The following CLUAP1 variants were observed in gnomAD, a reference collection of about 807,000 sequenced individuals.
CLUAP1 encodes clusterin-associated protein 1.
Under a neutral mutation model 55.0 loss-of-function variants are expected in CLUAP1, and 50 were observed. That is an observed-to-expected ratio of 0.91 (90% CI 0.72 to 1.15). CLUAP1 has a LOEUF of 1.15. Ranked by LOEUF, CLUAP1 falls within the 50% of genes most tolerant of loss-of-function variation. The pLI is 0.00. For synonymous variants in CLUAP1, 195 were observed against 175.4 expected (o/e 1.11, Z -0.88); for missense variants, 530 against 507.6 (o/e 1.04, Z -0.42).
intron 9 of CLUAP1, among the ~76,000 whole-genome samples, chr16:3,529,557 ATT>A (rs2038031690): frequency 3.7e-5 from 2 of 53,912 alleles, no homozygotes; most frequent in African/African-American, 1.7e-4. Context: ...TATATTATAT[ATT>A]ATTATATATT....
upstream of CLUAP1, chr16:3,496,638 G>C: frequency 1.9e-6 from 1 of 533,150 alleles, no homozygotes; most frequent in Admixed American, 2.0e-5. Flanking sequence ...CTTCGCAAGG[G>C]CCGACAGGTG....
At chr16:3,500,366 A>ATT (rs35022426), upstream of CLUAP1, among the ~76,000 whole-genome samples, 54 of 115,536 alleles carry the variant, frequency 4.7e-4, no homozygotes, top group Non-Finnish European at 6.2e-4. Flanking sequence ...AGTATAGTGC[A>ATT]TTTTTTTTTT....
At chr16:3,515,377 T>C in intron 5 of CLUAP1, 131 bp from the exon 6 acceptor site, 1 of 626,044 alleles carries the variant, frequency 1.6e-6, no homozygotes, top group Non-Finnish European at 2.7e-6. Flanking sequence ...GGTGGCAGTG[T>C]TTTTGCATCA....
At chr16:3,508,493 T>C in intron 4 of CLUAP1, 25 bp downstream of exon 4, 4 of 1,525,694 alleles carry the variant, frequency 2.6e-6, no homozygotes, top group Non-Finnish European at 3.5e-6. Context: ...AGCCTTGTAG[T>C]GGGCGATGGA....
chr16:3,519,047 C>T (rs1289829286), intron 6 of CLUAP1, among the ~76,000 whole-genome samples: 2 of 152,242 alleles, frequency 1.3e-5, no homozygotes, highest in Non-Finnish European at 2.9e-5. Flanking sequence ...AGTCCAGATT[C>T]CTCATAAAGA....
chr16:3,497,211 T>G (rs1336839511), upstream of CLUAP1, among the ~76,000 whole-genome samples: 2 of 151,162 alleles, frequency 1.3e-5, no homozygotes, highest in African/African-American at 4.9e-5. Flanking sequence ...AATTCATACT[T>G]GAAAAAAAAA....
chr16:3,501,121 G>C, intron 1 of CLUAP1, 32 bp downstream of exon 1: 4 of 1,574,330 alleles, frequency 2.5e-6, no homozygotes, highest in African/African-American at 1.3e-5. Context: ...GTGACCTGCG[G>C]GTCTTCCAGA....
rs1178652680 is a variant in CLUAP1, at chr16:3,501,018, C to T, written c.-50C>T. 4 of 1,579,362 alleles carry T rather than the reference C, an allele frequency of 2.5e-6. No individual in the cohort carries two copies. Among genetic ancestry groups the T allele is most frequent in the Admixed American group, 3.5e-5 (2 of 57,402 alleles). On this transcript the variant is annotated 5_prime_UTR_variant, in exon 1 of 12. Transcript: ENST00000576634. ...GATCGTCGAGCGCTGGGCCTGTGATCGCTGAGGGGCGAGCAGTTGCGACCC... is the reference window on the plus strand; with the variant it reads ...GATCGTCGAGCGCTGGGCCTGTGATTGCTGAGGGGCGAGCAGTTGCGACCC...
chr16:3,507,762 C>T (rs896684986), intron 3 of CLUAP1, among the ~76,000 whole-genome samples: 1 of 150,450 alleles, frequency 6.6e-6, no homozygotes, highest in Admixed American at 6.7e-5. Flanking sequence ...ACAAATGGTA[C>T]TGTATTCTAC....
At position 3,508,441 on chromosome 16, in the gene CLUAP1, C is replaced by A. The variant is rs1318653651; in HGVS notation, c.372C>A (p.Asn124Lys). The A allele has an allele frequency of 1.3e-6, 2 of 1,579,242 alleles. No individual in the cohort carries two copies. Among genetic ancestry groups the A allele is most frequent in the Non-Finnish European group, 1.7e-6 (2 of 1,170,684 alleles). The change falls in exon 4 of 12, where the codon AAC becomes AAA. Residue 124 changes from asparagine (N) to lysine (K), a missense_variant. Physicochemically the swap from Asn to Lys is moderately conservative, Grantham distance 94 (BLOSUM62 0). Coordinates refer to ENST00000576634, the MANE Select transcript of CLUAP1 (RefSeq NM_015041.3). ...CTGAAATAGTAGAGGAAGATGTCAA[C>A]AAGTTCAAGTTTGATCTTGGCTCAA... ...EGSEIVEEDV[N>K]KFKFDLGSKI...
intron 9 of CLUAP1, among the ~76,000 whole-genome samples, chr16:3,528,857 A>C (rs1028871290): frequency 6.6e-6 from 1 of 152,156 alleles, no homozygotes; most frequent in Non-Finnish European, 1.5e-5. Flanking sequence ...TTATTTCCCC[A>C]TTGAGTTATA....
chr16:3,509,677 A>C (rs77895114), intron 4 of CLUAP1, among the ~76,000 whole-genome samples: 2,658 of 152,270 alleles, frequency 0.017, 89 homozygotes, highest in African/African-American at 0.057. Context: ...TGCACCTAAG[A>C]GTGTGGCCAC....
intron 6 of CLUAP1, among the ~76,000 whole-genome samples, chr16:3,517,092 G>C (rs1296548246): frequency 6.6e-6 from 1 of 151,806 alleles, no homozygotes; most frequent in African/African-American, 2.4e-5. Context: ...CATTCACACA[G>C]ATTCGAAGTA....
chr16:3,505,481 A>AG (rs2037486477), intron 2 of CLUAP1, among the ~76,000 whole-genome samples: 1 of 149,316 alleles, frequency 6.7e-6, no homozygotes, highest in African/African-American at 2.5e-5. Flanking sequence ...AGTGAGCCGA[A>AG]GTGTGCAGTG....
At chr16:3,523,870 A>T (rs1390114618) in intron 8 of CLUAP1, among the ~76,000 whole-genome samples, 1 of 152,132 alleles carries the variant, frequency 6.6e-6, no homozygotes, top group Non-Finnish European at 1.5e-5. Context: ...GCAGGCTGAG[A>T]CAGGAGAATC....
At chr16:3,523,420 T>C in intron 8 of CLUAP1, 121 bp downstream of exon 8, 2 of 1,200,412 alleles carry the variant, frequency 1.7e-6, no homozygotes, top group Non-Finnish European at 2.3e-6. Context: ...TTCTCCCTGG[T>C]CAGTCTGAGG....
intron 10 of CLUAP1, among the ~76,000 whole-genome samples, chr16:3,532,443 C>G (rs1246557505): frequency 1.0e-5 from 1 of 97,704 alleles, no homozygotes; most frequent in Non-Finnish European, 1.8e-5. Context: ...GAGACAGAAT[C>G]TCATTCTGTC....
rs755319783 is a variant in CLUAP1 at position 3,532,825 on chromosome 16, G to T, written c.1076G>T (p.Gly359Val). The change falls in exon 11 of 12, where the codon GGA becomes GTA. Residue 359 changes from glycine to valine, a missense_variant. Coordinates refer to ENST00000576634, the MANE Select transcript of CLUAP1 (RefSeq NM_015041.3). Reference sequence around the variant, plus strand: ...CGCATTGTGGGCACGATGCAAGGTGGAGACTCCGATGACAATGTAAGTCCC... The same window carrying T: ...CGCATTGTGGGCACGATGCAAGGTGTAGACTCCGATGACAATGTAAGTCCC... The part of the protein sequence containing the change: ...GKRIVGTMQG[G>V]DSDDNEDSEE... 5 of 1,614,052 alleles carry T rather than the reference G, an allele frequency of 3.1e-6. No homozygotes were observed. In the East Asian group the frequency reaches 6.7e-5, roughly 22 times the overall value.
intron 11 of CLUAP1, chr16:3,535,209 CT>C (rs2038206498): frequency 1.3e-5 from 2 of 152,824 alleles, no homozygotes; most frequent in African/African-American, 2.4e-5. Context: ...TGAATGTTTC[CT>C]TCTTGACAGG....
Sources: gnomAD v4.1 joint callset for allele counts (sites outside exome capture counted in the v4.1 genomes callset) on GRCh38, gnomAD v4.1.1 for gene constraint, MANE v1.5 for transcripts, NCBI Gene and HGNC (gene_info 2026-07-23, HGNC 2026-07-21) for gene names.